RAD21: variants seen among roughly 807,000 people sequenced by gnomAD.
RAD21 encodes RAD21 cohesin complex component.
In RAD21, 18 loss-of-function variants were observed where a neutral mutation model predicts 71.5. The ratio of observed to expected loss-of-function variants is 0.25; its 90% CI spans 0.17 to 0.37. The LOEUF (loss-of-function observed/expected upper bound fraction) is 0.37. Ranked by LOEUF, RAD21 falls within the 10% of genes least tolerant of loss-of-function variation. The probability of loss-of-function intolerance (pLI) is 1.00; values close to 1 mark genes in which losing one functional copy is unlikely to be tolerated. For missense variants in RAD21, 493 were observed against 769.1 expected (o/e 0.64, Z 4.25); for synonymous variants, 248 against 254.0 (o/e 0.98, Z 0.22).
At position 116,861,727 on chromosome 8, in the gene RAD21, T is replaced by A. The variant is rs962219797; in HGVS notation, c.374+114A>T. On this transcript the variant is annotated intron_variant, in intron 4 of 13. Transcript: ENST00000297338. Reference sequence around the variant, plus strand: ...ATATACTATCCTATATAAATATATATATGCATTTTAGCTGTTAATGTAAAA... The same window carrying A: ...ATATACTATCCTATATAAATATATAAATGCATTTTAGCTGTTAATGTAAAA... 20 of 656,044 alleles carry A rather than the reference T, an allele frequency of 3.0e-5. No individual in the cohort carries two copies. In the South Asian group the frequency reaches 3.8e-4, roughly 12 times the overall value. The allele number at this position is 656,044 out of a possible 1,614,324, so 40.6% of individuals were successfully genotyped here.
At chr8:116,853,799 T>C (rs1812403397) in intron 9 of RAD21, among the ~76,000 whole-genome samples, 1 of 152,046 alleles carries the variant, frequency 6.6e-6, no homozygotes, top group African/African-American at 2.4e-5. Flanking sequence ...TACTGTGGAA[T>C]GTGAGCAGAA....
chr8:116,848,184 C>T (rs1812282950), intron 13 of RAD21, among the ~76,000 whole-genome samples: 1 of 152,140 alleles, frequency 6.6e-6, no homozygotes, highest in African/African-American at 2.4e-5. Context: ...ATTTTGGTTA[C>T]TGGAAAAAAC....
At position 116,855,135 on chromosome 8, in the gene RAD21, T is replaced by TA. The variant is rs538273075; in HGVS notation, c.938-668dup. Among the ~76,000 whole-genome samples the TA allele has an allele frequency of 5.0e-3, 751 of 149,444 alleles. 3 individuals are homozygous for TA. The highest frequency in any genetic ancestry group is 0.013 in the African/African-American group (545 of 40,848). On this transcript the variant is annotated intron_variant, in intron 8 of 13. Coordinates refer to ENST00000297338, the MANE Select transcript of RAD21 (RefSeq NM_006265.3). ...CCCCAAAGGTTTTTGGTTCAACACT[T>TA]AAAAAAAAAATACAAAAAGATGTTA...
chr8:116,849,288 G>C, intron 12 of RAD21: 2 of 369,910 alleles, frequency 5.4e-6, no homozygotes, highest in East Asian at 8.0e-5. Flanking sequence ...TGCGCTATAA[G>C]GATGCTATCT....
rs574524859 is a variant in RAD21 at position 116,862,896 on chromosome 8, G to A, written c.274+234C>T. On this transcript the variant is annotated intron_variant, in intron 3 of 13. Transcript: ENST00000297338. ...AAAGTATTAAAAAGGCAGCTCCAAA[G>A]GAAGAACAAATGGGGGTGAGCTCCA... Among the ~76,000 whole-genome samples the A allele has an allele frequency of 3.9e-5, 6 of 152,204 alleles. No individual in the cohort carries two copies. The South Asian group carries it at 1.2e-3, about 32-fold the overall frequency.
intron 12 of RAD21, among the ~76,000 whole-genome samples, chr8:116,849,737 G>C (rs1411439089): frequency 6.6e-6 from 1 of 152,128 alleles, no homozygotes; most frequent in Non-Finnish European, 1.5e-5. Flanking sequence ...TCACAACTAA[G>C]TCTGAGATAA....
intron 2 of RAD21, among the ~76,000 whole-genome samples, chr8:116,865,922 T>C (rs1812681003): frequency 2.6e-5 from 4 of 152,178 alleles, no homozygotes; most frequent in Admixed American, 2.6e-4. Context: ...TTTATTAAAA[T>C]CGATAAACTT....
At chr8:116,862,801 A>G (rs1812616900) in intron 3 of RAD21, among the ~76,000 whole-genome samples, 1 of 152,148 alleles carries the variant, frequency 6.6e-6, no homozygotes, top group African/African-American at 2.4e-5. Context: ...ATTTTAAAAA[A>G]TCATCACATA....
chr8:116,860,341 A>C (rs893523261), intron 4 of RAD21, among the ~76,000 whole-genome samples: 22 of 152,190 alleles, frequency 1.4e-4, no homozygotes, highest in Middle Eastern at 3.2e-3. Context: ...GATTAGCTCT[A>C]ATTTTGAAAG....
chr8:116,856,427 T>C (rs1812467883), intron 7 of RAD21, 139 bp from the exon 8 acceptor site: 1 of 1,294,458 alleles, frequency 7.7e-7, no homozygotes, highest in South Asian at 1.9e-5. Context: ...TTTTTCTAGT[T>C]AATGGGAAAG....
chr8:116,853,268 G>A (rs565429857), intron 9 of RAD21, among the ~76,000 whole-genome samples: 6 of 152,028 alleles, frequency 3.9e-5, no homozygotes, highest in Admixed American at 6.6e-5. Flanking sequence ...TAGTACAGAC[G>A]GGATTTTACC....
chr8:116,868,378 T>C (rs2130488241), intron 1 of RAD21, among the ~76,000 whole-genome samples: 1 of 152,350 alleles, frequency 6.6e-6, no homozygotes, highest in African/African-American at 2.4e-5. Context: ...TATACCACCA[T>C]ATGCTTGGAC....
intron 9 of RAD21, 111 bp from the exon 10 acceptor site, chr8:116,852,819 TTTAG>T: frequency 1.3e-6 from 1 of 747,498 alleles, no homozygotes; most frequent in Non-Finnish European, 1.9e-6. Context: ...AAGTGTATAA[TTTAG>T]CATGGCTTTT....
At chr8:116,856,596 TCTGG>T (rs768848550) in intron 7 of RAD21, 46 bp downstream of exon 7, 4 of 1,520,522 alleles carry the variant, frequency 2.6e-6, no homozygotes, top group Admixed American at 2.1e-5. Context: ...TAAGTATCTT[TCTGG>T]ATGCCATACA....
In RAD21 at chr8:116,874,723, C is replaced by G. The variant is rs1812936482; in HGVS notation, c.-145G>C. 3 of 451,198 alleles carry G rather than the reference C, an allele frequency of 6.6e-6. No homozygotes were observed. Among genetic ancestry groups the G allele is most frequent in the Non-Finnish European group, 1.3e-5 (3 of 224,232 alleles). The allele number at this position is 451,198 out of a possible 1,614,324, so 27.9% of individuals were successfully genotyped here. ...TGCGAGGTGTAGCTTCCGAGCAGCT[C>G]CCGCCGCCGCCACAGCCGGCGCCTC... is the stretch of plus-strand genomic sequence containing the variant. On this transcript the variant is annotated 5_prime_UTR_variant, in exon 1 of 14. Transcript: ENST00000297338.
intron 4 of RAD21, among the ~76,000 whole-genome samples, chr8:116,860,249 C>A (rs774282671): frequency 5.3e-5 from 8 of 152,146 alleles, no homozygotes; most frequent in Admixed American, 3.3e-4. Flanking sequence ...AGTGAAGATA[C>A]TGTGAATATT....
Position 116,852,208 on chromosome 8 carries a change from TGAA to T in RAD21, c.1322-115_1322-113del, listed in dbSNP as rs200955375. Reference sequence around the variant, plus strand: ...AAGACATACATAATGCTTTCTTTAATGAAGAAGGCCAGATAAAATTTTAGCTCC... The same window carrying T: ...AAGACATACATAATGCTTTCTTTAATGAAGGCCAGATAAAATTTTAGCTCC... On this transcript the variant is annotated intron_variant, in intron 10 of 13. Coordinates refer to ENST00000297338, the MANE Select transcript of RAD21 (RefSeq NM_006265.3). 5.1e-3 allele frequency: 5,324 copies of T among 1,041,858 alleles called. 182 individuals are homozygous for T. In the African/African-American group the frequency reaches 0.073, roughly 14 times the overall value. 64.5% of individuals were successfully genotyped at this position (1,041,858 alleles called of 1,614,324 possible).
chr8:116,874,412 G>A (rs892657612), intron 1 of RAD21, 199 bp downstream of exon 1: 1 of 187,652 alleles, frequency 5.3e-6, no homozygotes, highest in South Asian at 1.0e-4. Context: ...GGCCGAGGGC[G>A]GGCCCGGGGC....
chr8:116,867,998 T>G (rs1812732438), intron 1 of RAD21, among the ~76,000 whole-genome samples: 1 of 152,204 alleles, frequency 6.6e-6, no homozygotes, highest in Admixed American at 6.5e-5. Context: ...TCTCTGCCAT[T>G]TCTAAGTCTT....
Sources: allele counts gnomAD v4.1 joint callset (sites outside exome capture counted in the v4.1 genomes callset), GRCh38; gene constraint gnomAD v4.1.1; transcripts MANE v1.5; gene names NCBI Gene and HGNC (gene_info 2026-07-23, HGNC 2026-07-21).